The following PADI4 variants were observed in gnomAD, a reference collection of about 807,000 sequenced individuals.
PADI4 encodes protein-arginine deiminase type-4.
PADI4 carries 62 observed loss-of-function variants against 75.0 expected under a neutral mutation model. That is an observed-to-expected ratio of 0.83 (90% CI 0.67 to 1.02). The LOEUF is 1.02. PADI4 is among the 50% of genes least tolerant of loss of function. The pLI is 0.00. For synonymous variants in PADI4, 361 were observed against 348.1 expected (o/e 1.04, Z -0.41); for missense variants, 845 against 850.5 (o/e 0.99, Z 0.08).
intron 10 of PADI4, among the ~76,000 whole-genome samples, chr1:17,352,108 AGAGACTGTGGTC>A (rs2074662465): frequency 6.7e-6 from 1 of 148,924 alleles, no homozygotes; most frequent in African/African-American, 2.5e-5. Context: ...AGGTGGTAGG[AGAGACTGTGGTC>A]AGAGAGGTGA....
Position 17,346,303 on chromosome 1 carries a change from A to C in PADI4, c.1047+164A>C. ...ATCCTTGGGCCGGGAGGCTCAAGCA[A>C]GTGATTCATCTGACGTTTGCTGTGG... On this transcript the variant is annotated intron_variant, in intron 9 of 15. Transcript: ENST00000375448. This position sits in a 1 kb window ranked among gnomAD's most constrained non-coding sequence, Gnocchi z 4.3. Among the ~76,000 whole-genome samples the C allele has an allele frequency of 6.6e-6, 1 of 152,162 alleles. No individual in the cohort carries two copies. The highest frequency in any genetic ancestry group is 1.5e-5 in the Non-Finnish European group (1 of 68,016).
At chr1:17,324,135 C>A (rs1425070952) in intron 1 of PADI4, among the ~76,000 whole-genome samples, 1 of 147,584 alleles carries the variant, frequency 6.8e-6, no homozygotes, top group African/African-American at 2.5e-5. Flanking sequence ...TGGCTAATAA[C>A]ACCAAGTTGG....
chr1:17,344,084 A>G (rs2074472315), intron 8 of PADI4, among the ~76,000 whole-genome samples: 1 of 152,200 alleles, frequency 6.6e-6, no homozygotes, highest in Non-Finnish European at 1.5e-5. Context: ...TAATGATATG[A>G]ACAATGAAAT....
Position 17,339,627 on chromosome 1 carries a change from T to A in PADI4, c.527-61T>A, listed in dbSNP as rs1345431674. The A allele has an allele frequency of 1.9e-6, 3 of 1,598,792 alleles. No homozygotes were observed. The East Asian group carries it at 6.7e-5, about 36-fold the overall frequency. Reference sequence around the variant, plus strand: ...AGGCTCCACCAGGAGGTGAGGTGGCTATGGGAAACCAGCAGCGGTCTCAGG... The same window carrying A: ...AGGCTCCACCAGGAGGTGAGGTGGCAATGGGAAACCAGCAGCGGTCTCAGG... On this transcript the variant is annotated intron_variant, in intron 5 of 15. Coordinates refer to ENST00000375448, the MANE Select transcript of PADI4 (RefSeq NM_012387.3).
At chr1:17,358,773 T>G in intron 13 of PADI4, 65 bp from the exon 14 acceptor site, 1 of 1,067,320 alleles carries the variant, frequency 9.4e-7, no homozygotes, top group African/African-American at 1.6e-5. Context: ...CCCCCGGCAC[T>G]GGCTGGGAAG....
rs768467439 is a variant in PADI4, at chr1:17,356,171, G to A, written c.1455+44G>A. The A allele has an allele frequency of 6.3e-7, 1 of 1,595,320 alleles. No homozygotes were observed. ...CCTCAGGAAGCCATGCCTCCTTCCT[G>A]GGTAGACCCTCTGCCTGGGGTGGGA... On this transcript the variant is annotated intron_variant, in intron 12 of 15. Transcript: ENST00000375448. This position sits in a 1 kb window ranked among gnomAD's most constrained non-coding sequence, Gnocchi z 4.1.
chr1:17,315,070 A>G (rs1482820355), intron 1 of PADI4, among the ~76,000 whole-genome samples: 1 of 152,168 alleles, frequency 6.6e-6, no homozygotes, highest in Admixed American at 6.5e-5. Flanking sequence ...GAAAGCCACC[A>G]CCTGAGCTGA....
At chr1:17,351,724 G>A (rs541257816) in intron 10 of PADI4, among the ~76,000 whole-genome samples, 2 of 152,088 alleles carry the variant, frequency 1.3e-5, no homozygotes, top group South Asian at 4.1e-4. Flanking sequence ...AGTTGGCCAT[G>A]TGAGTGGGTG....
At chr1:17,330,628 A>G (rs1748038) in intron 1 of PADI4, among the ~76,000 whole-genome samples, 102,502 of 151,920 alleles carry the variant, frequency 0.67, 34,708 homozygotes, top group Non-Finnish European at 0.7. Flanking sequence ...GGAGGAGCGG[A>G]AGGAAGCATC....
chr1:17,343,763 C>T (rs1349286403), intron 8 of PADI4, among the ~76,000 whole-genome samples: 2 of 152,174 alleles, frequency 1.3e-5, no homozygotes, highest in Non-Finnish European at 2.9e-5. Context: ...TTGCCGCCGC[C>T]ATGTAAGAAG....
At chr1:17,313,646 C>T (rs34957305) in intron 1 of PADI4, among the ~76,000 whole-genome samples, 2,421 of 151,954 alleles carry the variant, frequency 0.016, 34 homozygotes, top group Non-Finnish European at 0.024. Context: ...GATTTATTTT[C>T]CTTTGACAGC....
Position 17,331,094 on chromosome 1 carries a change from G to T in PADI4, c.218G>T (p.Gly73Val), listed in dbSNP as rs1194385201. 6.2e-7 allele frequency: 1 copy of T among 1,612,420 alleles called. No individual in the cohort carries two copies. The highest frequency in any genetic ancestry group is 1.3e-5 in the African/African-American group (1 of 74,864). ...TCCTCCACATGGCCCCTGGACCCTG[G>T]GGTAGAGGTGACCCTGACGATGAAA... The part of the protein sequence containing the change: ...TGSSTWPLDP[G>V]VEVTLTMKVA... Residue 73 changes from glycine (G) to valine (V), a missense_variant, in exon 2 of 16, where the codon GGG becomes GTG. Coordinates refer to ENST00000375448, the MANE Select transcript of PADI4 (RefSeq NM_012387.3).
intron 1 of PADI4, among the ~76,000 whole-genome samples, chr1:17,313,393 C>T (rs1259086799): frequency 1.4e-5 from 2 of 141,702 alleles, no homozygotes; most frequent in African/African-American, 2.6e-5. Context: ...CCCAGCTACT[C>T]GGGAGGCTGA....
chr1:17,327,326 T>C (rs975202824), intron 1 of PADI4, among the ~76,000 whole-genome samples: 2 of 152,212 alleles, frequency 1.3e-5, no homozygotes, highest in Admixed American at 1.3e-4. Context: ...TTTTGTCTAA[T>C]AATTCATTCT....
chr1:17,339,818 G>T lies in PADI4; in HGVS notation c.652+5G>T. 6.3e-7 allele frequency: 1 copy of T among 1,597,692 alleles called. No individual in the cohort carries two copies. The highest frequency in any genetic ancestry group is 1.1e-5 in the South Asian group (1 of 89,042). On this transcript the variant is annotated splice_donor_5th_base_variant and intron_variant, in intron 6 of 15. Coordinates refer to ENST00000375448, the MANE Select transcript of PADI4 (RefSeq NM_012387.3). ...TGAGGGTGTTTCAGGCCACACGTAA[G>T]TCATCCCCATCTTTGTTCCCCTCCT... is the stretch of plus-strand genomic sequence containing the variant.
At chr1:17,342,464 G>A (rs566426323) in intron 8 of PADI4, 62 bp downstream of exon 8, 3 of 985,194 alleles carry the variant, frequency 3.0e-6, no homozygotes, top group East Asian at 4.9e-5. Flanking sequence ...TCCATCCGCA[G>A]CACTCACTGT....
intron 1 of PADI4, among the ~76,000 whole-genome samples, chr1:17,321,232 G>C (rs568322488): frequency 1.9e-3 from 296 of 152,288 alleles, no homozygotes; most frequent in Non-Finnish European, 3.1e-3. Flanking sequence ...TGAGGGGCAG[G>C]TGAGAAGCAA....
At chr1:17,316,617 G>A (rs2073940630) in intron 1 of PADI4, among the ~76,000 whole-genome samples, 1 of 151,792 alleles carries the variant, frequency 6.6e-6, no homozygotes, top group African/African-American at 2.4e-5. Context: ...ATGAACCTGG[G>A]AGGTGGAGCT....
chr1:17,358,819 T>C lies in PADI4; in HGVS notation c.1559-19T>C, dbSNP rs749358094. The C allele has an allele frequency of 1.0e-5, 16 of 1,562,648 alleles. No individual in the cohort carries two copies. Among genetic ancestry groups the C allele is most frequent in the Non-Finnish European group, 1.4e-5 (16 of 1,143,994 alleles). On this transcript the variant is annotated intron_variant, in intron 13 of 15. Coordinates refer to ENST00000375448, the MANE Select transcript of PADI4 (RefSeq NM_012387.3). Reference sequence around the variant, plus strand: ...ACCTCTAAGTTCATTTGCCTTTTTTTTCTTTTTCTCCATGACAGAAAAAAA... The same window carrying C: ...ACCTCTAAGTTCATTTGCCTTTTTTCTCTTTTTCTCCATGACAGAAAAAAA...
Sources: gnomAD v4.1 joint callset for allele counts (sites outside exome capture counted in the v4.1 genomes callset) on GRCh38, gnomAD v4.1.1 for gene constraint, Gnocchi (gnomAD v3.1) non-coding constraint, MANE v1.5 for transcripts, NCBI Gene and HGNC (gene_info 2026-07-23, HGNC 2026-07-21) for gene names.